The following TGM4 variants were observed in gnomAD, a reference collection of about 807,000 sequenced individuals.
TGM4 encodes the protein transglutaminase 4, also known as protein-glutamine gamma-glutamyltransferase 4.
In TGM4, 61 loss-of-function variants were observed where a neutral mutation model predicts 76.3. That is an observed-to-expected ratio of 0.80 (90% CI 0.65 to 0.99). TGM4 has a LOEUF of 0.99. Among genes scored for constraint, TGM4 ranks in the 50% least tolerant of loss-of-function variants. The pLI is 0.00. For synonymous variants in TGM4, 337 were observed against 329.8 expected (o/e 1.02, Z -0.24); for missense variants, 794 against 843.2 (o/e 0.94, Z 0.72).
chr3:44,913,725 GC>G lies in TGM4; in HGVS notation c.*2del. 6.2e-7 allele frequency: 1 copy of G among 1,612,746 alleles called. No individual in the cohort carries two copies. The highest frequency in any genetic ancestry group is 8.5e-7 in the Non-Finnish European group (1 of 1,179,404). ...AGAAGATTGTTCTCATCACCAAGTA[GC>G]CTTGTCTGATGCTGTGGAGCCTTAG... On this transcript the variant is annotated 3_prime_UTR_variant, in exon 14 of 14. Transcript: ENST00000296125.
chr3:44,903,571 C>T (rs4683008), intron 8 of TGM4: 84,272 of 350,694 alleles, frequency 0.24, 14,278 homozygotes, highest in East Asian at 0.75. Flanking sequence ...AGATTTAGTT[C>T]TGCTTCGAGT....
chr3:44,879,473 ATTT>A (rs1184527794), intron 1 of TGM4, among the ~76,000 whole-genome samples: 1 of 123,708 alleles, frequency 8.1e-6, no homozygotes, highest in Non-Finnish European at 1.7e-5. Flanking sequence ...AGCCTGGCTA[ATTT>A]TTTTTTTTTT....
chr3:44,878,367 G>A (rs1353401963), intron 1 of TGM4, among the ~76,000 whole-genome samples: 1 of 151,784 alleles, frequency 6.6e-6, no homozygotes, highest in Non-Finnish European at 1.5e-5. Flanking sequence ...ATACTTTATA[G>A]TGATTTTCTC....
chr3:44,883,100 T>C (rs535024201), intron 1 of TGM4, among the ~76,000 whole-genome samples: 1 of 152,292 alleles, frequency 6.6e-6, no homozygotes, highest in East Asian at 1.9e-4. Context: ...AGTCAGAACA[T>C]GGGAGGGACT....
chr3:44,911,299 A>T lies in TGM4; in HGVS notation c.1806A>T (p.Leu602=). The T allele has an allele frequency of 6.2e-7, 1 of 1,614,196 alleles. No homozygotes were observed. The highest frequency in any genetic ancestry group is 1.7e-5 in the Admixed American group (1 of 60,018). The change falls in exon 13 of 14, where the codon CTA becomes CTT. Residue 602 remains leucine, a synonymous_variant. Transcript: ENST00000296125. The part of the protein sequence containing the change: ...ELPNTGRIGQ[L]LVCNCIFKNT... ...CTAACACAGGCAGAATTGGCCAGCT[A>T]CTTGTCTGCAATTGTATCTTCAAGA...
intron 3 of TGM4, chr3:44,888,639 A>G (rs1018583341): frequency 6.6e-6 from 1 of 152,032 alleles, no homozygotes; most frequent in African/African-American, 2.4e-5. Context: ...GCATTTCTTT[A>G]CTCAAAAAGT....
intron 1 of TGM4, among the ~76,000 whole-genome samples, chr3:44,877,188 T>C (rs570572528): frequency 6.6e-6 from 1 of 152,262 alleles, no homozygotes; most frequent in South Asian, 2.1e-4. Flanking sequence ...GGCTCATGCC[T>C]GTAATCCCAG....
At chr3:44,886,163 G>C (rs147635527) in intron 2 of TGM4, among the ~76,000 whole-genome samples, 313 of 152,272 alleles carry the variant, frequency 2.1e-3, no homozygotes, top group Non-Finnish European at 3.4e-3. Context: ...GGCCAACATG[G>C]TGAAACCCTG....
chr3:44,893,260 C>G (rs1033446784), intron 4 of TGM4, among the ~76,000 whole-genome samples: 3 of 152,178 alleles, frequency 2.0e-5, no homozygotes, highest in African/African-American at 7.2e-5. Context: ...AGAGTCCTCC[C>G]TTCACTCCCA....
rs1227241517 is a variant in TGM4, at chr3:44,913,975, ATGGCCTCAAAAATCAG to A, written c.*251_*266del. The A allele has an allele frequency of 7.4e-6, 3 of 406,142 alleles. No homozygotes were observed. In the East Asian group the frequency reaches 1.3e-4, roughly 17 times the overall value. 25.2% of individuals were successfully genotyped at this position (406,142 alleles called of 1,614,324 possible). On this transcript the variant is annotated 3_prime_UTR_variant, in exon 14 of 14. Transcript: ENST00000296125. ...CAGAATCCCATCCCTTTCCTGAGTC[ATGGCCTCAAAAATCAG>A]GGCCACCATTGTCTCAATTCAAATC...
rs560104378 is a variant in TGM4 at position 44,877,569 on chromosome 3, G to A, written c.19+2872G>A. Among the ~76,000 whole-genome samples, 108 of 152,010 alleles carry A rather than the reference G, an allele frequency of 7.1e-4. 2 individuals are homozygous for A. In the South Asian group the frequency reaches 0.012, roughly 18 times the overall value. On this transcript the variant is annotated intron_variant, in intron 1 of 13. Coordinates refer to ENST00000296125, the MANE Select transcript of TGM4 (RefSeq NM_003241.4). ...ATTGCAACACTGCACTTCAGCCTGG[G>A]TGACAGGCCAAGACTCTGTCTCTTA...
rs116127480 is a variant in TGM4, at chr3:44,911,548, G to T, written c.1913+142G>T. The T allele has an allele frequency of 1.4e-3, 1,302 of 924,360 alleles. 10 individuals are homozygous for T. In the African/African-American group the frequency reaches 0.019, roughly 14 times the overall value. 57.3% of individuals were successfully genotyped at this position (924,360 alleles called of 1,614,324 possible). On this transcript the variant is annotated intron_variant, in intron 13 of 13. Transcript: ENST00000296125. Reference sequence around the variant, plus strand: ...CATTTTGCTAGTGCCAAATTACTTTGAGAAAAGATTGCATCAATTTATGCT... The same window carrying T: ...CATTTTGCTAGTGCCAAATTACTTTTAGAAAAGATTGCATCAATTTATGCT...
rs761716359 is a variant in TGM4, at chr3:44,910,958, T to C, written c.1607T>C (p.Val536Ala). The C allele has an allele frequency of 6.8e-6, 11 of 1,613,828 alleles. No homozygotes were observed. The African/African-American group carries it at 1.3e-4, about 20-fold the overall frequency. The change falls in exon 12 of 14, where the codon GTA becomes GCA. Residue 536 changes from valine (V) to alanine (A), a missense_variant and splice_region_variant. Val to Ala is a moderately conservative substitution (Grantham distance 64, BLOSUM62 0). Transcript: ENST00000296125. ...LNKTSQIQGQ[V>A]SEVTLTLDSK... Reference sequence around the variant, plus strand: ...CCCCTCCACCCTGACTCTTTGGCAGTATCAGAAGTGACTCTGACCTTGGAC... The same window carrying C: ...CCCCTCCACCCTGACTCTTTGGCAGCATCAGAAGTGACTCTGACCTTGGAC...
Position 44,913,914 on chromosome 3 carries a change from C to A in TGM4, c.*189C>A. 1.5e-6 allele frequency: 1 copy of A among 656,538 alleles called. No homozygotes were observed. The highest frequency in any genetic ancestry group is 2.4e-5 in the South Asian group (1 of 42,520). 40.7% of individuals were successfully genotyped at this position (656,538 alleles called of 1,614,324 possible). A position where few individuals can be genotyped will look rare whatever the true frequency, so the allele number is the denominator to read the frequency against. On this transcript the variant is annotated 3_prime_UTR_variant, in exon 14 of 14. Transcript: ENST00000296125. ...GCCAGGTCCTGTGCTATCACAGGGT[C>A]ACCTCTTTTACAGTTAGAAACACCA...
intron 9 of TGM4, among the ~76,000 whole-genome samples, chr3:44,906,166 A>G (rs934836561): frequency 2.0e-5 from 3 of 152,222 alleles, no homozygotes; most frequent in African/African-American, 7.2e-5. Context: ...CACTGAATTC[A>G]CAGGTTTGGC....
intron 1 of TGM4, among the ~76,000 whole-genome samples, chr3:44,880,501 CTGGCAGG>C (rs1699517686): frequency 6.6e-6 from 1 of 152,096 alleles, no homozygotes; most frequent in Non-Finnish European, 1.5e-5. Context: ...GGAGTGCCTG[CTGGCAGG>C]TGGCAGTAGA....
chr3:44,903,233 A>G (rs1699877882), intron 8 of TGM4, among the ~76,000 whole-genome samples: 1 of 152,160 alleles, frequency 6.6e-6, no homozygotes, highest in Non-Finnish European at 1.5e-5. Flanking sequence ...TTGAGTGTGT[A>G]TGGATTTGGG....
intron 8 of TGM4, among the ~76,000 whole-genome samples, chr3:44,902,891 G>T (rs1367264324): frequency 2.6e-5 from 4 of 152,212 alleles, no homozygotes; most frequent in African/African-American, 9.6e-5. Flanking sequence ...AGACGAGGTG[G>T]GAAGGTCAGG....
At chr3:44,884,701 C>T (rs1204045426) in intron 1 of TGM4, among the ~76,000 whole-genome samples, 2 of 152,116 alleles carry the variant, frequency 1.3e-5, no homozygotes, top group Non-Finnish European at 2.9e-5. Flanking sequence ...GGTGCTTCCT[C>T]CTCAATTTGG....
Sources: gnomAD v4.1 joint callset for allele counts (sites outside exome capture counted in the v4.1 genomes callset) on GRCh38, gnomAD v4.1.1 for gene constraint, MANE v1.5 for transcripts, NCBI Gene and HGNC (gene_info 2026-07-23, HGNC 2026-07-21) for gene names.